Variants in IGF1R observed in about 807,000 individuals in gnomAD.
IGF1R encodes insulin-like growth factor 1 receptor.
Under a neutral mutation model 144.6 loss-of-function variants are expected in IGF1R, and 44 were observed. The observed-to-expected ratio is 0.30, with a 90% confidence interval of 0.24 to 0.39. IGF1R has a LOEUF of 0.39. IGF1R is among the 10% of genes least tolerant of loss of function. IGF1R has a pLI of 1.00. For missense variants in IGF1R, 1,355 were observed against 1,833.7 expected, an observed-to-expected ratio of 0.74 and a Z score of 4.77; for synonymous variants, 795 against 722.8, an observed-to-expected ratio of 1.10 and a Z score of -1.60.
chr15:98,786,851 C>T (rs2056010202), intron 2 of IGF1R, among the ~76,000 whole-genome samples: 1 of 152,170 alleles, frequency 6.6e-6, no homozygotes, highest in Non-Finnish European at 1.5e-5. Context: ...CTGTGTGGAA[C>T]GTGAAGCCTT....
chr15:98,688,414 CTGTGTGTGTGTGTG>C lies in IGF1R; in HGVS notation c.95-19123_95-19110del, dbSNP rs10528336. Among the ~76,000 whole-genome samples, 163 of 143,612 alleles carry C rather than the reference CTGTGTGTGTGTGTG, an allele frequency of 1.1e-3. No individual in the cohort carries two copies. In the East Asian group the frequency reaches 0.016, roughly 14 times the overall value. 94.2% of individuals were successfully genotyped at this position (143,612 alleles called of 152,430 possible). The stretch of plus-strand genomic sequence containing the variant: ...CTTCGACTCACCACACAACACACAC[CTGTGTGTGTGTGTG>C]TGTGTGTGTGTGTGTGTGTGTGTGA... On this transcript the variant is annotated intron_variant, in intron 1 of 20. Coordinates refer to ENST00000650285, the MANE Select transcript of IGF1R (RefSeq NM_000875.5).
At position 98,961,216 on chromosome 15, in the gene IGF1R, CCT is replaced by C. The variant is rs1596500301; in HGVS notation, c.*3778_*3779del. On this transcript the variant is annotated 3_prime_UTR_variant, in exon 21 of 21. Transcript: ENST00000650285. ...GTGACCCCTTGGAATAACGGCCTCT[CCT>C]CTCGTGCACATACCTACCGGTTTCC... 4.3e-6 allele frequency: 1 copy of C among 233,668 alleles called. No homozygotes were observed. Among genetic ancestry groups the C allele is most frequent in the Non-Finnish European group, 8.5e-6 (1 of 117,992 alleles). 14.5% of individuals were successfully genotyped at this position (233,668 alleles called of 1,614,324 possible).
chr15:98,878,649 A>C (rs1324945033), intron 2 of IGF1R, among the ~76,000 whole-genome samples: 2 of 109,128 alleles, frequency 1.8e-5, no homozygotes, highest in African/African-American at 7.3e-5. Context: ...CTCTCTTCTT[A>C]TTTGTGAAAG....
At chr15:98,667,076 C>T (rs760243408) in intron 1 of IGF1R, among the ~76,000 whole-genome samples, 7 of 151,840 alleles carry the variant, frequency 4.6e-5, no homozygotes, top group Admixed American at 1.3e-4. Context: ...TGAAAAAAAA[C>T]GCAGGTTTGA....
Position 98,816,662 on chromosome 15 carries a change from C to G in IGF1R, c.641-74663C>G, listed in dbSNP as rs543710860. On this transcript the variant is annotated intron_variant, in intron 2 of 20. Transcript: ENST00000650285. ...CCTTGTGCCTGTGTTTTAATGTAAC[C>G]TTAAGACTTGATGCTCCCTGGAGTG... 3.9e-5 allele frequency among the ~76,000 whole-genome samples: 6 copies of G among 152,296 alleles called. No homozygotes were observed. The South Asian group carries it at 1.2e-3, about 32-fold the overall frequency.
rs530570099 is a variant in IGF1R at position 98,963,296 on chromosome 15, G to T, written c.*5854G>T. 1.3e-5 allele frequency: 3 copies of T among 231,144 alleles called. No homozygotes were observed. Among genetic ancestry groups the T allele is most frequent in the Non-Finnish European group, 2.5e-5 (3 of 117,748 alleles). The allele number at this position is 231,144 out of a possible 1,614,324, so 14.3% of individuals were successfully genotyped here. A position where few individuals can be genotyped will look rare whatever the true frequency, so the allele number is the denominator to read the frequency against. On this transcript the variant is annotated 3_prime_UTR_variant, in exon 21 of 21. Transcript: ENST00000650285. The stretch of plus-strand genomic sequence containing the variant: ...AAAGGATTTCTCCCTGACCCCATCC[G>T]TGGTTCACCCTCTTTTCCCCCCATG...
chr15:98,863,924 T>A (rs2012292749), intron 2 of IGF1R, among the ~76,000 whole-genome samples: 1 of 152,232 alleles, frequency 6.6e-6, no homozygotes, highest in Admixed American at 6.5e-5. Flanking sequence ...TTTTTAAAGC[T>A]GTAATTAAAA....
chr15:98,951,853 G>GACTACTGGACTCT (rs1264191245), intron 20 of IGF1R, among the ~76,000 whole-genome samples: 2 of 152,236 alleles, frequency 1.3e-5, no homozygotes, highest in African/African-American at 4.8e-5. Flanking sequence ...CCTTGACTGT[G>GACTACTGGACTCT]ACTACTGGAC....
chr15:98,867,452 C>T (rs972456239), intron 2 of IGF1R, among the ~76,000 whole-genome samples: 1 of 152,156 alleles, frequency 6.6e-6, no homozygotes, highest in Non-Finnish European at 1.5e-5. Flanking sequence ...TCTTGAGTCC[C>T]CACGGCTCCT....
chr15:98,809,113 G>A (rs1207012963), intron 2 of IGF1R, among the ~76,000 whole-genome samples: 3 of 152,312 alleles, frequency 2.0e-5, no homozygotes, highest in South Asian at 4.1e-4. Flanking sequence ...AAACCCTGAC[G>A]AGGTCTATAT....
intron 5 of IGF1R, chr15:98,900,507 G>A (rs1416016331): frequency 2.6e-5 from 4 of 152,218 alleles, no homozygotes; most frequent in Non-Finnish European, 5.9e-5. Context: ...CTGCATAAGG[G>A]TTTCTTTACA....
chr15:98,769,219 G>A (rs1476457826), intron 2 of IGF1R, among the ~76,000 whole-genome samples: 1 of 152,142 alleles, frequency 6.6e-6, no homozygotes, highest in Non-Finnish European at 1.5e-5. Context: ...TAACATTTCT[G>A]TACCTTTGTG....
intron 19 of IGF1R, among the ~76,000 whole-genome samples, chr15:98,944,336 C>G (rs1460398298): frequency 6.6e-6 from 1 of 152,212 alleles, no homozygotes; most frequent in African/African-American, 2.4e-5. Context: ...GTGTTCATTG[C>G]CAATTCTGTC....
chr15:98,844,453 C>T (rs1021461931), intron 2 of IGF1R, among the ~76,000 whole-genome samples: 6 of 152,026 alleles, frequency 3.9e-5, no homozygotes, highest in Admixed American at 6.6e-5. Flanking sequence ...AAACTATTTA[C>T]GGTTTGGGGT....
intron 1 of IGF1R, among the ~76,000 whole-genome samples, chr15:98,670,028 GAA>G: frequency 6.6e-6 from 1 of 152,198 alleles, no homozygotes; most frequent in East Asian, 1.9e-4. Context: ...TGGGTAGAGA[GAA>G]TTTGGTTTTG....
Position 98,772,925 on chromosome 15 carries a change from A to G in IGF1R, c.640+64818A>G, listed in dbSNP as rs74032590. Among the ~76,000 whole-genome samples the G allele has an allele frequency of 4.7e-3, 716 of 152,256 alleles. 4 individuals are homozygous for G. The highest frequency in any genetic ancestry group is 0.016 in the African/African-American group (680 of 41,542). On this transcript the variant is annotated intron_variant, in intron 2 of 20. Transcript: ENST00000650285. The stretch of plus-strand genomic sequence containing the variant: ...AGAATCATTCTTTTTCTAAGGGTAC[A>G]GCCATTAATACTCCTTGATTCAAAT...
chr15:98,930,422 C>A, intron 15 of IGF1R, 117 bp downstream of exon 15: 1 of 690,868 alleles, frequency 1.4e-6, no homozygotes, highest in Non-Finnish European at 2.6e-6. Context: ...CTACCTTTGG[C>A]CTTGGATCTG....
At chr15:98,657,230 A>G (rs1301197019) in intron 1 of IGF1R, among the ~76,000 whole-genome samples, 2 of 152,200 alleles carry the variant, frequency 1.3e-5, no homozygotes, top group African/African-American at 2.4e-5. Flanking sequence ...GGAGAGATGA[A>G]TTTATTTGTA....
At chr15:98,758,274 C>G (rs910059471) in intron 2 of IGF1R, among the ~76,000 whole-genome samples, 4 of 151,774 alleles carry the variant, frequency 2.6e-5, no homozygotes, top group Admixed American at 2.6e-4. Flanking sequence ...CTCTTAGACT[C>G]CTCTTCCCGT....
Sources: allele counts gnomAD v4.1 joint callset (sites outside exome capture counted in the v4.1 genomes callset), GRCh38; gene constraint gnomAD v4.1.1; transcripts MANE v1.5; gene names NCBI Gene and HGNC (gene_info 2026-07-23, HGNC 2026-07-21).